CNTN6: variants seen among roughly 807,000 people sequenced by gnomAD.
The protein encoded by CNTN6 is contactin-6.
In CNTN6, 137 loss-of-function variants were observed where a neutral mutation model predicts 122.8. The ratio of observed to expected loss-of-function variants is 1.12; its 90% CI spans 0.97 to 1.29. CNTN6 has a LOEUF of 1.29. Ranked by LOEUF, CNTN6 falls within the 50% of genes most tolerant of loss-of-function variation. CNTN6 has a pLI of 0.00. For synonymous variants in CNTN6, 570 were observed against 426.0 expected (o/e 1.34, Z -4.16); for missense variants, 1,634 against 1,223.4 (o/e 1.34, Z -5.01).
intron 4 of CNTN6, among the ~76,000 whole-genome samples, chr3:1,229,544 A>C (rs1322182646): frequency 3.9e-5 from 6 of 152,216 alleles, no homozygotes; most frequent in Non-Finnish European, 8.8e-5. Flanking sequence ...ACTCTTTGAT[A>C]TAACCATAGA....
chr3:1,212,088 A>G (rs1182913365), intron 2 of CNTN6, among the ~76,000 whole-genome samples: 1 of 152,164 alleles, frequency 6.6e-6, no homozygotes. Context: ...TCATGGAATT[A>G]ACTTTTTAAT....
At position 1,329,887 on chromosome 3, in the gene CNTN6, C is replaced by G; in HGVS notation, c.1316C>G (p.Ala439Gly). 6.2e-7 allele frequency: 1 copy of G among 1,609,966 alleles called. No individual in the cohort carries two copies. The highest frequency in any genetic ancestry group is 8.5e-7 in the Non-Finnish European group (1 of 1,177,556). Residue 439 changes from alanine (A) to glycine (G), a missense_variant, in exon 11 of 23, where the codon GCA becomes GGA. By Grantham distance (60) the Ala-to-Gly change is moderately conservative. Coordinates refer to ENST00000446702, the MANE Select transcript of CNTN6 (RefSeq NM_001289080.2). The part of the protein sequence containing the change: ...IGCKPNAFPR[A>G]AISWKRGTET... The stretch of plus-strand genomic sequence containing the variant: ...TGCAAACCAAATGCTTTTCCCAGGG[C>G]AGCTATCTCTTGGAAAAGAGGAACG...
At chr3:1,297,768 C>A in intron 6 of CNTN6, 121 bp from the exon 7 acceptor site, 2 of 756,864 alleles carry the variant, frequency 2.6e-6, no homozygotes, top group Non-Finnish European at 4.4e-6. Flanking sequence ...GTATCCAATT[C>A]TTAACTGAAA....
At position 1,376,990 on chromosome 3, in the gene CNTN6, CTT is replaced by C; in HGVS notation, c.2096-14_2096-13del. The C allele has an allele frequency of 1.3e-6, 2 of 1,572,202 alleles. No individual in the cohort carries two copies. Among genetic ancestry groups the C allele is most frequent in the Non-Finnish European group, 1.7e-6 (2 of 1,155,686 alleles). ...TTAATAATTGCCATCCCACATTTCT[CTT>C]GGTTATTTTTAGTCCCTGTTGTGGC... On this transcript the variant is annotated splice_polypyrimidine_tract_variant and intron_variant, in intron 16 of 22. Transcript: ENST00000446702.
chr3:1,148,639 A>G (rs1575022274), intron 2 of CNTN6, among the ~76,000 whole-genome samples: 1 of 152,200 alleles, frequency 6.6e-6, no homozygotes, highest in East Asian at 1.9e-4. Context: ...ACATATTAAT[A>G]TCTGTGTATC....
intron 1 of CNTN6, among the ~76,000 whole-genome samples, chr3:1,122,943 G>T (rs1344046999): frequency 1.3e-5 from 2 of 151,716 alleles, no homozygotes; most frequent in Non-Finnish European, 2.9e-5. Flanking sequence ...CAGTTATTTA[G>T]GGTATATACC....
chr3:1,264,580 TTTAA>T (rs1559648127), intron 4 of CNTN6, among the ~76,000 whole-genome samples: 1 of 150,928 alleles, frequency 6.6e-6, no homozygotes, highest in Non-Finnish European at 1.5e-5. Context: ...AAATTTTATT[TTTAA>T]TTAACTAATA....
chr3:1,295,878 C>G lies in CNTN6; in HGVS notation c.658+74C>G, dbSNP rs540476022. On this transcript the variant is annotated intron_variant, in intron 6 of 22. Transcript: ENST00000446702. The stretch of plus-strand genomic sequence containing the variant: ...AGCCTGGGAAGATTCGTAAAGCTTT[C>G]TGCTTCCTTCTTGTTTGGTGGAGCC... 12 of 1,349,422 alleles carry G rather than the reference C, an allele frequency of 8.9e-6. No homozygotes were observed. In the East Asian group the frequency reaches 1.2e-4, roughly 13 times the overall value. 83.6% of individuals were successfully genotyped at this position (1,349,422 alleles called of 1,614,324 possible). A position where few individuals can be genotyped will look rare whatever the true frequency, so the allele number is the denominator to read the frequency against.
chr3:1,262,002 T>C (rs1050915383), intron 4 of CNTN6, among the ~76,000 whole-genome samples: 5 of 152,140 alleles, frequency 3.3e-5, no homozygotes, highest in African/African-American at 1.2e-4. Context: ...GCACTTATGC[T>C]ATCCTTCAAA....
chr3:1,117,492 T>C (rs2091771867), intron 1 of CNTN6, among the ~76,000 whole-genome samples: 1 of 152,190 alleles, frequency 6.6e-6, no homozygotes, highest in Non-Finnish European at 1.5e-5. Context: ...TGACTTACTG[T>C]GTGACCTTAC....
At position 1,325,902 on chromosome 3, in the gene CNTN6, CA is replaced by C; in HGVS notation, c.1037del (p.Asn346ThrfsTer7). 6.2e-7 allele frequency: 1 copy of C among 1,611,618 alleles called. No individual in the cohort carries two copies. The highest frequency in any genetic ancestry group is 8.5e-7 in the Non-Finnish European group (1 of 1,178,528). On this transcript the variant is annotated frameshift_variant, in exon 9 of 23. Coordinates refer to ENST00000446702, the MANE Select transcript of CNTN6 (RefSeq NM_001289080.2). LOFTEE classifies it high-confidence loss of function. ...TGGGAATGTAAAGCTAGTGGAAAGC[CA>C]AACCCTTGGTATACATGGTTAAAAA... ...LLWECKASGK[P>X]NPWYTWLKNG...
intron 2 of CNTN6, among the ~76,000 whole-genome samples, chr3:1,177,672 G>A (rs1559462095): frequency 6.6e-6 from 1 of 152,042 alleles, no homozygotes; most frequent in African/African-American, 2.4e-5. Context: ...ACTGTGGGCA[G>A]ACAGATTTTT....
chr3:1,107,711 A>G (rs993731191), intron 1 of CNTN6, among the ~76,000 whole-genome samples: 2 of 151,984 alleles, frequency 1.3e-5, no homozygotes, highest in African/African-American at 4.8e-5. Context: ...TTCAGCTCTC[A>G]TGGTAGGTGC....
At position 1,278,506 on chromosome 3, in the gene CNTN6, G is replaced by A. The variant is rs778570071; in HGVS notation, c.452G>A (p.Gly151Glu). The change falls in exon 5 of 23, where the codon GGA (glycine) becomes GAA (glutamate). Residue 151 changes from glycine to glutamate, a missense_variant and splice_region_variant. Gly to Glu is a moderately conservative substitution (Grantham distance 98). Transcript: ENST00000446702. ...VLLCGPPPHF[G>E]DLSYAWTFND... ...CTCTGTGGCCCACCGCCACATTTTGGAGGTATGATGGGGTGATTTGGGTCA... is the reference window on the plus strand; with the variant it reads ...CTCTGTGGCCCACCGCCACATTTTGAAGGTATGATGGGGTGATTTGGGTCA... 3.7e-6 allele frequency: 6 copies of A among 1,610,454 alleles called. No homozygotes were observed. Among genetic ancestry groups the A allele is most frequent in the Non-Finnish European group, 5.1e-6 (6 of 1,177,224 alleles).
chr3:1,181,676 ATG>A (rs1336370264), intron 2 of CNTN6, among the ~76,000 whole-genome samples: 2 of 152,134 alleles, frequency 1.3e-5, no homozygotes, highest in Non-Finnish European at 2.9e-5. Context: ...TCTACGGAGT[ATG>A]TGCCCTGCAC....
Position 1,278,541 on chromosome 3 carries a change from T to C in CNTN6, c.454+33T>C, listed in dbSNP as rs1008489689. 5.5e-6 allele frequency: 8 copies of C among 1,449,936 alleles called. No individual in the cohort carries two copies. In the Middle Eastern group the frequency reaches 5.2e-4, roughly 95 times the overall value. 89.8% of individuals were successfully genotyped at this position (1,449,936 alleles called of 1,614,324 possible). A position where few individuals can be genotyped will look rare whatever the true frequency, so the allele number is the denominator to read the frequency against. ...GGGGTGATTTGGGTCATATCATCAA[T>C]GCGGTCACTTGGAGAGTGATGTGAG... On this transcript the variant is annotated intron_variant, in intron 5 of 22. Transcript: ENST00000446702.
At chr3:1,385,954 T>TTTGGTAACAATCAAGGTAA (rs1376535114) in intron 20 of CNTN6, among the ~76,000 whole-genome samples, 157 bp downstream of exon 20, 2 of 152,206 alleles carry the variant, frequency 1.3e-5, no homozygotes, top group African/African-American at 4.8e-5. Context: ...GTTGAAACCT[T>TTTGGTAACAATCAAGGTAA]TTGGTAACAA....
chr3:1,266,949 CTTTTT>C (rs1036704755), intron 4 of CNTN6, among the ~76,000 whole-genome samples: 3 of 90,390 alleles, frequency 3.3e-5, no homozygotes, highest in East Asian at 6.6e-4. Context: ...CAGCCTGGCC[CTTTTT>C]TTTTTTTTTT....
rs139176181 is a variant in CNTN6 at position 1,255,170 on chromosome 3, T to C, written c.359-23243T>C. ...GAGGCATATGCTCAGAACCAATATA[T>C]TGTCACTTCTGCTGCATTTTGTTTG... On this transcript the variant is annotated intron_variant, in intron 4 of 22. Coordinates refer to ENST00000446702, the MANE Select transcript of CNTN6 (RefSeq NM_001289080.2). Among the ~76,000 whole-genome samples the C allele has an allele frequency of 5.3e-3, 814 of 152,216 alleles. 11 individuals carry two copies. Among genetic ancestry groups the C allele is most frequent in the African/African-American group, 0.019 (772 of 41,538 alleles).
Sources: gnomAD v4.1 joint callset for allele counts (sites outside exome capture counted in the v4.1 genomes callset) on GRCh38, gnomAD v4.1.1 for gene constraint, MANE v1.5 for transcripts, NCBI Gene and HGNC (gene_info 2026-07-23, HGNC 2026-07-21) for gene names.